The following TRAF6 variants were observed in gnomAD, a reference collection of about 807,000 sequenced individuals.
TRAF6 encodes the protein TNF receptor-associated factor 6.
In TRAF6, 10 loss-of-function variants were observed where a neutral mutation model predicts 48.4. That is an observed-to-expected ratio of 0.21 (90% confidence interval 0.13 to 0.35). The LOEUF is 0.35. TRAF6 is among the 10% of genes least tolerant of loss of function. The probability of loss-of-function intolerance (pLI) is 1.00; values close to 1 mark genes in which losing one functional copy is unlikely to be tolerated. For synonymous variants in TRAF6, 186 were observed against 219.6 expected, an observed-to-expected ratio of 0.85 and a Z score of 1.35; for missense variants, 397 against 661.0, an observed-to-expected ratio of 0.60 and a Z score of 4.38.
intron 4 of TRAF6, 129 bp from the exon 5 acceptor site, chr11:36,495,176 A>G: frequency 1.6e-6 from 1 of 614,284 alleles, no homozygotes; most frequent in Non-Finnish European, 2.9e-6. Flanking sequence ...AGCAAAAGTG[A>G]GTGAAAGTGA....
chr11:36,490,702 G>T lies in TRAF6; in HGVS notation c.757-52C>A, dbSNP rs1326311922. ...TGGGAATAGATACCGTGAGGAGTAG[G>T]AAAAGGACCTGGCCAGGTCAAATAA... On this transcript the variant is annotated intron_variant, in intron 6 of 6. Coordinates refer to ENST00000526995, the MANE Select transcript of TRAF6 (RefSeq NM_004620.4). This position sits in a 1 kb window ranked among gnomAD's most constrained non-coding sequence, Gnocchi z 6.4. The T allele has an allele frequency of 1.3e-6, 2 of 1,512,042 alleles. No individual in the cohort carries two copies. Among genetic ancestry groups the T allele is most frequent in the Non-Finnish European group, 1.8e-6 (2 of 1,117,790 alleles). 93.7% of individuals were successfully genotyped at this position (1,512,042 alleles called of 1,614,324 possible).
At chr11:36,491,372 C>T (rs1330120112) in intron 6 of TRAF6, among the ~76,000 whole-genome samples, 4 of 152,110 alleles carry the variant, frequency 2.6e-5, no homozygotes, top group Non-Finnish European at 4.4e-5. Flanking sequence ...AGGGTGTTAC[C>T]TAATATCTCA....
At chr11:36,493,935 C>A (rs1360051675) in intron 5 of TRAF6, among the ~76,000 whole-genome samples, 1 of 152,124 alleles carries the variant, frequency 6.6e-6, no homozygotes, top group Non-Finnish European at 1.5e-5. Flanking sequence ...TAAGGTATAT[C>A]AATAATGATC....
Position 36,486,792 on chromosome 11 carries a change from C to G in TRAF6, c.*3046G>C, listed in dbSNP as rs1009828321. Among the ~76,000 whole-genome samples the G allele has an allele frequency of 6.6e-6, 1 of 152,210 alleles. No individual in the cohort carries two copies. Among genetic ancestry groups the G allele is most frequent in the East Asian group, 1.9e-4 (1 of 5,170 alleles). Reference sequence around the variant, plus strand: ...TGTATGACGTGCAGCAAGTTTCATCCAACAGTGGGTTGGACGCTGGGCGTG... The same window carrying G: ...TGTATGACGTGCAGCAAGTTTCATCGAACAGTGGGTTGGACGCTGGGCGTG... On this transcript the variant is annotated 3_prime_UTR_variant, in exon 7 of 7. Transcript: ENST00000526995.
Position 36,486,759 on chromosome 11 carries a change from C to T in TRAF6, c.*3079G>A, listed in dbSNP as rs905730896. 1.3e-5 allele frequency among the ~76,000 whole-genome samples: 2 copies of T among 152,150 alleles called. No individual in the cohort carries two copies. Among genetic ancestry groups the T allele is most frequent in the African/African-American group, 4.8e-5 (2 of 41,392 alleles). On this transcript the variant is annotated 3_prime_UTR_variant, in exon 7 of 7. Transcript: ENST00000526995. ...ATCAACATTCAGACTTGTTTGCCAA[C>T]AGCAAAATGTATGACGTGCAGCAAG...
intron 5 of TRAF6, among the ~76,000 whole-genome samples, chr11:36,494,467 G>A (rs1379650003): frequency 6.6e-6 from 1 of 152,122 alleles, no homozygotes; most frequent in Non-Finnish European, 1.5e-5. Flanking sequence ...GAACAGAAGG[G>A]CTACAGGTCC....
In TRAF6 at chr11:36,490,531, G is replaced by A; in HGVS notation, c.876C>T (p.Val292=). Residue 292 remains valine (V), a synonymous_variant, in exon 7 of 7, where the codon GTC becomes GTT. Coordinates refer to ENST00000526995, the MANE Select transcript of TRAF6 (RefSeq NM_004620.4). The surrounding 1 kb of genome is among the most constrained non-coding windows in gnomAD (Gnocchi z 6.4). ...VIPDSGYISE[V]RNFQETIHQL... Reference sequence around the variant, plus strand: ...GGTGAATAGTTTCCTGGAAATTCCGGACCTCTGAGATATACCCAGAGTCGG... The same window carrying A: ...GGTGAATAGTTTCCTGGAAATTCCGAACCTCTGAGATATACCCAGAGTCGG... The A allele has an allele frequency of 6.2e-7, 1 of 1,614,006 alleles. No homozygotes were observed. The highest frequency in any genetic ancestry group is 2.2e-5 in the East Asian group (1 of 44,874).
At chr11:36,491,520 G>GA (rs1590634774) in intron 6 of TRAF6, among the ~76,000 whole-genome samples, 8 of 151,222 alleles carry the variant, frequency 5.3e-5, no homozygotes, top group Admixed American at 5.3e-4. Flanking sequence ...ATAAGTCAGG[G>GA]AAAAAAAAGT....
intron 1 of TRAF6, among the ~76,000 whole-genome samples, chr11:36,505,591 C>A (rs1176734527): frequency 2.6e-5 from 4 of 152,178 alleles, no homozygotes; most frequent in Admixed American, 1.3e-4. Flanking sequence ...AAGGCTGTTT[C>A]ACTTTCTTAT....
In TRAF6 at chr11:36,489,757, T is replaced by C; in HGVS notation, c.*81A>G. ...GATATTACATATTTCCCGTGGCTTG[T>C]TTGTTTGCATGTTATTGAGAACAGG... On this transcript the variant is annotated 3_prime_UTR_variant, in exon 7 of 7. Coordinates refer to ENST00000526995, the MANE Select transcript of TRAF6 (RefSeq NM_004620.4). The C allele has an allele frequency of 7.1e-7, 1 of 1,398,984 alleles. No homozygotes were observed. The highest frequency in any genetic ancestry group is 9.8e-7 in the Non-Finnish European group (1 of 1,021,990). 86.7% of individuals were successfully genotyped at this position (1,398,984 alleles called of 1,614,324 possible).
rs997043089 is a variant in TRAF6 at position 36,484,945 on chromosome 11, A to C, written c.*4893T>G. 1.3e-5 allele frequency among the ~76,000 whole-genome samples: 2 copies of C among 152,238 alleles called. No homozygotes were observed. Among genetic ancestry groups the C allele is most frequent in the African/African-American group, 4.8e-5 (2 of 41,466 alleles). The stretch of plus-strand genomic sequence containing the variant: ...ATTTGCAAAGTTTAAAATTAGCTTA[A>C]CGTGAGGGCTGCAATTCCAGTTACA... On this transcript the variant is annotated 3_prime_UTR_variant, in exon 7 of 7. Coordinates refer to ENST00000526995, the MANE Select transcript of TRAF6 (RefSeq NM_004620.4).
intron 1 of TRAF6, among the ~76,000 whole-genome samples, chr11:36,509,395 C>T (rs1309064844): frequency 1.3e-5 from 2 of 151,038 alleles, no homozygotes; most frequent in African/African-American, 2.4e-5. Flanking sequence ...AGTTTAGGGG[C>T]GGGGGAGAAA....
At chr11:36,503,081 T>C (rs1391829851) in intron 1 of TRAF6, among the ~76,000 whole-genome samples, 3 of 152,354 alleles carry the variant, frequency 2.0e-5, no homozygotes, top group African/African-American at 7.2e-5. Flanking sequence ...CACGTCTACC[T>C]GACCTTGGAG....
intron 1 of TRAF6, 37 bp from the exon 2 acceptor site, chr11:36,501,574 AAC>A (rs925519647): frequency 3.4e-6 from 5 of 1,455,822 alleles, no homozygotes; most frequent in Non-Finnish European, 4.6e-6. Flanking sequence ...CTTTATAAGT[AAC>A]ACACACACTC....
At chr11:36,503,564 G>A (rs1046348638) in intron 1 of TRAF6, among the ~76,000 whole-genome samples, 2 of 152,104 alleles carry the variant, frequency 1.3e-5, no homozygotes, top group East Asian at 1.9e-4. Flanking sequence ...ATTAAGGCAC[G>A]AACCCCCGAG....
Position 36,489,242 on chromosome 11 carries a change from A to G in TRAF6, c.*596T>C, listed in dbSNP as rs895080821. Reference sequence around the variant, plus strand: ...AATTAAGGTTATATTTAGGGTTTAAACTCATCCCTGAATATCCTTAGTAAC... The same window carrying G: ...AATTAAGGTTATATTTAGGGTTTAAGCTCATCCCTGAATATCCTTAGTAAC... On this transcript the variant is annotated 3_prime_UTR_variant, in exon 7 of 7. Transcript: ENST00000526995. 20 of 153,322 alleles carry G rather than the reference A, an allele frequency of 1.3e-4. No individual in the cohort carries two copies. Among genetic ancestry groups the G allele is most frequent in the African/African-American group, 4.8e-4 (20 of 41,584 alleles). 9.5% of individuals were successfully genotyped at this position (153,322 alleles called of 1,614,324 possible). A position where few individuals can be genotyped will look rare whatever the true frequency, so the allele number is the denominator to read the frequency against.
Position 36,503,572 on chromosome 11 carries a change from G to T in TRAF6, c.-22-2035C>A, listed in dbSNP as rs5030434. On this transcript the variant is annotated intron_variant, in intron 1 of 6. Coordinates refer to ENST00000526995, the MANE Select transcript of TRAF6 (RefSeq NM_004620.4). Reference sequence around the variant, plus strand: ...TGTTGAGATTAAGGCACGAACCCCCGAGCCCGGCTGTGGTTTATTTAGTTT... The same window carrying T: ...TGTTGAGATTAAGGCACGAACCCCCTAGCCCGGCTGTGGTTTATTTAGTTT... Among the ~76,000 whole-genome samples the T allele has an allele frequency of 9.3e-4, 141 of 152,228 alleles. 1 individual carries two copies. Among genetic ancestry groups the T allele is most frequent in the African/African-American group, 3.3e-3 (138 of 41,536 alleles).
chr11:36,484,155 T>C lies in TRAF6; in HGVS notation c.*5683A>G, dbSNP rs902348159. Among the ~76,000 whole-genome samples, 1 of 152,230 alleles carries C rather than the reference T, an allele frequency of 6.6e-6. No homozygotes were observed. The highest frequency in any genetic ancestry group is 2.4e-5 in the African/African-American group (1 of 41,466). On this transcript the variant is annotated 3_prime_UTR_variant, in exon 7 of 7. Transcript: ENST00000526995. ...GTTTCACTGCCATTAGGAGCAGGGC[T>C]TGTTTTATGCGCTCCGTGCATGCTG...
In TRAF6 at chr11:36,490,895, C is replaced by CA. The variant is rs1258190077; in HGVS notation, c.757-246dup. 2.0e-5 allele frequency among the ~76,000 whole-genome samples: 3 copies of CA among 152,248 alleles called. No individual in the cohort carries two copies. The highest frequency in any genetic ancestry group is 2.0e-4 in the Admixed American group (3 of 15,300). ...CTCACATAAATCTCCCTCCCACCTA[C>CA]AAAAAATGTATTTACACACATCCTT... On this transcript the variant is annotated intron_variant, in intron 6 of 6. Transcript: ENST00000526995. The surrounding 1 kb of genome is among the most constrained non-coding windows in gnomAD (Gnocchi z 6.4).
Sources: allele counts gnomAD v4.1 joint callset (sites outside exome capture counted in the v4.1 genomes callset), GRCh38; gene constraint gnomAD v4.1.1; non-coding constraint Gnocchi (gnomAD v3.1); transcripts MANE v1.5; gene names NCBI Gene and HGNC (gene_info 2026-07-23, HGNC 2026-07-21).